The following EPS15L1 variants were observed in gnomAD, a reference collection of about 807,000 sequenced individuals.
EPS15L1 encodes the protein epidermal growth factor receptor pathway substrate 15 like 1, also known as epidermal growth factor receptor substrate 15-like 1.
A neutral mutation model predicts 117.1 loss-of-function variants in EPS15L1; 43 were observed. That is an observed-to-expected ratio of 0.37 (90% CI 0.29 to 0.47). The LOEUF (loss-of-function observed/expected upper bound fraction) is 0.47. EPS15L1 is among the 20% of genes least tolerant of loss of function. The pLI is 0.99. For synonymous variants in EPS15L1, 459 were observed against 470.5 expected (o/e 0.98, Z 0.32); for missense variants, 981 against 1,164.0 (o/e 0.84, Z 2.29).
chr19:16,402,236 A>G (rs1297612935), intron 16 of EPS15L1, 85 bp downstream of exon 16: 105 of 1,501,528 alleles, frequency 7.0e-5, no homozygotes, highest in Non-Finnish European at 8.9e-5. Flanking sequence ...AACGTTGGCC[A>G]TGAACAGATC....
intron 22 of EPS15L1, among the ~76,000 whole-genome samples, chr19:16,364,477 T>A (rs2092105157): frequency 6.6e-6 from 1 of 151,850 alleles, no homozygotes; most frequent in Non-Finnish European, 1.5e-5. Context: ...TACCCCGACC[T>A]CCCCGGGGCT....
intron 6 of EPS15L1, among the ~76,000 whole-genome samples, chr19:16,435,790 C>T (rs1759700008): frequency 6.6e-6 from 1 of 152,140 alleles, no homozygotes. Context: ...GAATGGAATG[C>T]AGAATCTCTC....
chr19:16,367,970 T>TGAGAGA (rs141557327), intron 22 of EPS15L1, among the ~76,000 whole-genome samples: 1 of 150,714 alleles, frequency 6.6e-6, no homozygotes, highest in African/African-American at 2.4e-5. Flanking sequence ...AACATGAGAG[T>TGAGAGA]GAGAGAGAGA....
intron 22 of EPS15L1, among the ~76,000 whole-genome samples, chr19:16,367,226 A>C (rs1409694717): frequency 5.9e-5 from 9 of 151,562 alleles, no homozygotes; most frequent in Admixed American, 2.0e-4. Context: ...AATCCTAGAT[A>C]TTTGCAGCGG....
intron 16 of EPS15L1, among the ~76,000 whole-genome samples, chr19:16,397,438 G>A (rs1196031195): frequency 6.6e-6 from 1 of 151,830 alleles, no homozygotes; most frequent in African/African-American, 2.4e-5. Flanking sequence ...TAATCAATGA[G>A]TCAGAAAAAA....
At chr19:16,448,063 C>A (rs140962962) in intron 1 of EPS15L1, among the ~76,000 whole-genome samples, 203 of 152,238 alleles carry the variant, frequency 1.3e-3, no homozygotes, top group Non-Finnish European at 2.6e-3. Flanking sequence ...ACATGGGCCT[C>A]GAACTAAAAG....
intron 7 of EPS15L1, among the ~76,000 whole-genome samples, chr19:16,431,467 C>G (rs575063676): frequency 1.3e-5 from 2 of 151,658 alleles, no homozygotes; most frequent in Admixed American, 1.3e-4. Context: ...CCATGCCCAG[C>G]TAATTTTTGT....
chr19:16,465,494 G>A (rs528116988), intron 1 of EPS15L1, among the ~76,000 whole-genome samples: 1 of 152,202 alleles, frequency 6.6e-6, no homozygotes, highest in South Asian at 2.1e-4. Flanking sequence ...ACCAGCCTGG[G>A]CAACATAGCA....
intron 22 of EPS15L1, among the ~76,000 whole-genome samples, chr19:16,373,006 C>A (rs2092246248): frequency 6.6e-6 from 1 of 152,224 alleles, no homozygotes; most frequent in Non-Finnish European, 1.5e-5. Context: ...CCTCTGGGTG[C>A]CCTGGGATGG....
chr19:16,459,762 C>G (rs979281018), intron 1 of EPS15L1, among the ~76,000 whole-genome samples: 1 of 152,064 alleles, frequency 6.6e-6, no homozygotes, highest in African/African-American at 2.4e-5. Context: ...GGGAGCAGGC[C>G]GTATTTACAA....
intron 16 of EPS15L1, chr19:16,400,941 G>A (rs562263297): frequency 2.0e-6 from 2 of 985,290 alleles, no homozygotes; most frequent in Non-Finnish European, 2.4e-6. Context: ...GACTGAGCAG[G>A]ACAAGCCAAA....
In EPS15L1 at chr19:16,403,781, C is replaced by T; in HGVS notation, c.1578G>A (p.Leu526=). The part of the protein sequence containing the change: ...EQSIQAGRVQ[L]ETIIKSLKST... ...ACTTCAGGGACTTGATGATGGTTTC[C>T]AGCTGGACTCGCCCAGCCTGAATGC... The change falls in exon 15 of 24, where the codon CTG becomes CTA. Residue 526 remains leucine, a synonymous_variant. Coordinates refer to ENST00000455140, the MANE Select transcript of EPS15L1 (RefSeq NM_001258374.3). The T allele has an allele frequency of 6.2e-7, 1 of 1,613,914 alleles. No individual in the cohort carries two copies. The highest frequency in any genetic ancestry group is 8.5e-7 in the Non-Finnish European group (1 of 1,180,034).
Position 16,377,143 on chromosome 19 carries a change from G to A in EPS15L1, c.2359C>T (p.Pro787Ser), listed in dbSNP as rs1381901332. The A allele has an allele frequency of 6.2e-7, 1 of 1,608,638 alleles. No homozygotes were observed. The highest frequency in any genetic ancestry group is 1.7e-5 in the Admixed American group (1 of 58,878). ...TGACCGCTGGGCGGTTTAGGCCGTG[G>A]AGGAGCAGGTTTCTTCGGAGGCAGA... ...PALPPKKPAP[P>S]RPKPPSGKST... Residue 787 changes from proline (P) to serine (S), a missense_variant, in exon 22 of 24, where the codon CCA (proline) becomes TCA (serine). Physicochemically the swap from Pro to Ser is moderately conservative, Grantham distance 74 (BLOSUM62 -1). This residue lies in a region of EPS15L1 where 819 missense variants were observed against 949.0 expected (regional missense o/e 0.86). Transcript: ENST00000455140.
intron 22 of EPS15L1, 141 bp from the exon 23 acceptor site, chr19:16,362,125 G>A (rs529936620): frequency 1.2e-6 from 1 of 817,632 alleles, no homozygotes; most frequent in East Asian, 2.7e-5. Flanking sequence ...CTGGACGGGG[G>A]TACCCTGGGG....
At position 16,432,038 on chromosome 19, in the gene EPS15L1, C is replaced by A. The variant is rs917676424; in HGVS notation, c.498+2327G>T. Among the ~76,000 whole-genome samples the A allele has an allele frequency of 2.6e-5, 4 of 152,132 alleles. No homozygotes were observed. In the South Asian group the frequency reaches 8.3e-4, roughly 31 times the overall value. ...GGACTGATTGCAGGACTTGAGTATG[C>A]GTACATTTCGGTGTATGATAGGGGC... On this transcript the variant is annotated intron_variant, in intron 7 of 23. Coordinates refer to ENST00000455140, the MANE Select transcript of EPS15L1 (RefSeq NM_001258374.3).
At chr19:16,390,200 T>G (rs866863570) in intron 19 of EPS15L1, among the ~76,000 whole-genome samples, 9 of 152,110 alleles carry the variant, frequency 5.9e-5, no homozygotes, top group South Asian at 4.1e-4. Context: ...TATCATGTAG[T>G]GAATAACATG....
intron 1 of EPS15L1, among the ~76,000 whole-genome samples, chr19:16,464,848 C>T (rs1201529676): frequency 6.6e-6 from 1 of 152,120 alleles, no homozygotes; most frequent in Non-Finnish European, 1.5e-5. Flanking sequence ...CTTTGGGAGG[C>T]CAAGGCGGGC....
At chr19:16,452,785 A>ATTTTATTT (rs1039077457) in intron 1 of EPS15L1, among the ~76,000 whole-genome samples, 1 of 151,836 alleles carries the variant, frequency 6.6e-6, no homozygotes, top group Non-Finnish European at 1.5e-5. Flanking sequence ...CTCTACATCT[A>ATTTTATTT]TTTTATTTTT....
intron 8 of EPS15L1, among the ~76,000 whole-genome samples, 162 bp downstream of exon 8, chr19:16,428,540 A>AAAGG (rs1269002009): frequency 1.5e-4 from 21 of 141,708 alleles, no homozygotes; most frequent in African/African-American, 5.0e-4. Flanking sequence ...AGAAAGGAAG[A>AAAGG]AAGACAGAAA....
Sources: gnomAD v4.1 joint callset for allele counts (sites outside exome capture counted in the v4.1 genomes callset) on GRCh38, gnomAD v4.1.1 for gene constraint, gnomAD v4.1.1 regional missense constraint, MANE v1.5 for transcripts, NCBI Gene and HGNC (gene_info 2026-07-23, HGNC 2026-07-21) for gene names.